Variants in NALF1 observed in about 807,000 individuals in gnomAD.
The protein encoded by NALF1 is family with sequence similarity 155 member A.
In NALF1, 3 loss-of-function variants were observed where a neutral mutation model predicts 48.4. That is an observed-to-expected ratio of 0.06 (90% CI 0.03 to 0.16). NALF1 has a LOEUF of 0.16. Ranked by LOEUF, NALF1 falls within the 10% of genes least tolerant of loss-of-function variation. NALF1 has a pLI of 1.00. For missense variants in NALF1, 526 were observed against 571.5 expected, an observed-to-expected ratio of 0.92 and a Z score of 0.81; for synonymous variants, 262 against 245.7, an observed-to-expected ratio of 1.07 and a Z score of -0.62.
At chr13:107,186,027 C>T (rs1025078578) in intron 2 of NALF1, among the ~76,000 whole-genome samples, 2 of 152,182 alleles carry the variant, frequency 1.3e-5, no homozygotes, top group Non-Finnish European at 2.9e-5. Context: ...GAAAAAAGAT[C>T]TTATGCCATC....
chr13:107,235,901 T>C (rs1880331902), intron 1 of NALF1, among the ~76,000 whole-genome samples: 1 of 152,222 alleles, frequency 6.6e-6, no homozygotes. Flanking sequence ...AGGCATTGTG[T>C]TTCTACTATC....
At chr13:107,187,005 T>A (rs1879188627) in intron 2 of NALF1, among the ~76,000 whole-genome samples, 1 of 152,164 alleles carries the variant, frequency 6.6e-6, no homozygotes, top group Non-Finnish European at 1.5e-5. Context: ...TCACCTGCAT[T>A]TCCTGGCTCA....
At chr13:107,735,261 G>A (rs1273196672) in intron 1 of NALF1, among the ~76,000 whole-genome samples, 1 of 152,180 alleles carries the variant, frequency 6.6e-6, no homozygotes, top group Non-Finnish European at 1.5e-5. Context: ...CTAAACCTGG[G>A]TAGTAAAGGC....
chr13:107,509,971 T>C (rs753375471), intron 1 of NALF1, among the ~76,000 whole-genome samples: 1 of 152,080 alleles, frequency 6.6e-6, no homozygotes, highest in Non-Finnish European at 1.5e-5. Context: ...CATGCCCAGC[T>C]AATTTTTCAT....
intron 1 of NALF1, among the ~76,000 whole-genome samples, chr13:107,571,596 T>C (rs1265672813): frequency 6.6e-6 from 1 of 152,188 alleles, no homozygotes; most frequent in Non-Finnish European, 1.5e-5. Context: ...AGTAAAGTGT[T>C]TCCTTGAGTT....
At chr13:107,181,284 C>G (rs920266092) in intron 2 of NALF1, among the ~76,000 whole-genome samples, 2 of 151,424 alleles carry the variant, frequency 1.3e-5, no homozygotes, top group Non-Finnish European at 3.0e-5. Flanking sequence ...TTGAATGCCA[C>G]TTTACTCAGT....
chr13:107,735,063 A>T (rs544814603), intron 1 of NALF1, among the ~76,000 whole-genome samples: 1 of 152,306 alleles, frequency 6.6e-6, no homozygotes, highest in African/African-American at 2.4e-5. Context: ...CCCACCAAGA[A>T]TACAATATTC....
At chr13:107,745,139 A>AC (rs1261896352) in intron 1 of NALF1, among the ~76,000 whole-genome samples, 2 of 152,212 alleles carry the variant, frequency 1.3e-5, no homozygotes, top group Non-Finnish European at 2.9e-5. Flanking sequence ...ACATAAACAA[A>AC]TTTTTAACTG....
intron 1 of NALF1, among the ~76,000 whole-genome samples, chr13:107,807,449 T>C (rs1356573294): frequency 6.6e-6 from 1 of 152,182 alleles, no homozygotes; most frequent in African/African-American, 2.4e-5. Context: ...TTTTCAATGC[T>C]GATGAGCATT....
At chr13:107,234,520 A>AG (rs933656828) in intron 1 of NALF1, among the ~76,000 whole-genome samples, 1 of 152,148 alleles carries the variant, frequency 6.6e-6, no homozygotes, top group African/African-American at 2.4e-5. Context: ...CAGGGCTGCG[A>AG]GGGTCCGCCC....
At chr13:107,838,760 A>G (rs1879970880) in intron 1 of NALF1, among the ~76,000 whole-genome samples, 1 of 152,114 alleles carries the variant, frequency 6.6e-6, no homozygotes, top group African/African-American at 2.4e-5. Flanking sequence ...ATGCTGTTGG[A>G]GGTTCCAGTT....
chr13:107,417,053 A>G (rs959186035), intron 1 of NALF1, among the ~76,000 whole-genome samples: 29 of 152,200 alleles, frequency 1.9e-4, no homozygotes, highest in African/African-American at 6.5e-4. Context: ...TGTTCATCCC[A>G]TCCCGACATT....
chr13:107,798,840 C>G (rs182061258), intron 1 of NALF1, among the ~76,000 whole-genome samples: 1 of 152,114 alleles, frequency 6.6e-6, no homozygotes, highest in Non-Finnish European at 1.5e-5. Flanking sequence ...AAACAAACTG[C>G]CCCCAAATAT....
intron 1 of NALF1, among the ~76,000 whole-genome samples, chr13:107,750,662 C>T (rs1046486985): frequency 3.3e-5 from 5 of 151,332 alleles, no homozygotes; most frequent in African/African-American, 1.2e-4. Flanking sequence ...GGTAACAGTA[C>T]GCTACAGTCA....
At chr13:107,180,787 A>G (rs1009067552) in intron 2 of NALF1, among the ~76,000 whole-genome samples, 21 of 151,804 alleles carry the variant, frequency 1.4e-4, no homozygotes, top group Non-Finnish European at 1.5e-5. Flanking sequence ...AAATATATAT[A>G]GTGATAGTTT....
At chr13:107,180,950 A>C (rs1379164404) in intron 2 of NALF1, among the ~76,000 whole-genome samples, 1 of 151,746 alleles carries the variant, frequency 6.6e-6, no homozygotes, top group Non-Finnish European at 1.5e-5. Context: ...ACTTTGCGTC[A>C]ATTTTGATAG....
At chr13:107,345,756 G>C (rs2138939563) in intron 1 of NALF1, among the ~76,000 whole-genome samples, 1 of 152,266 alleles carries the variant, frequency 6.6e-6, no homozygotes, top group Non-Finnish European at 1.5e-5. Context: ...AACTCTGAAA[G>C]CACAGACAGC....
chr13:107,594,504 T>C (rs150761293), intron 1 of NALF1, among the ~76,000 whole-genome samples: 65 of 152,158 alleles, frequency 4.3e-4, no homozygotes, highest in African/African-American at 1.5e-3. Context: ...CATGCCTGTA[T>C]GTATTTTTTC....
At chr13:107,512,498 G>T (rs1201158997) in intron 1 of NALF1, among the ~76,000 whole-genome samples, 1 of 152,188 alleles carries the variant, frequency 6.6e-6, no homozygotes, top group African/African-American at 2.4e-5. Context: ...CTCGGCTCAT[G>T]AGGGTCCTTG....
Sources: allele counts gnomAD v4.1 joint callset (sites outside exome capture counted in the v4.1 genomes callset), GRCh38; gene constraint gnomAD v4.1.1; transcripts MANE v1.5; gene names NCBI Gene and HGNC (gene_info 2026-07-23, HGNC 2026-07-21).